PPP2R2B: variants seen among roughly 807,000 people sequenced by gnomAD.
PPP2R2B encodes protein phosphatase 2 regulatory subunit Bbeta, also known as serine/threonine-protein phosphatase 2A 55 kDa regulatory subunit B beta isoform.
PPP2R2B carries 5 observed loss-of-function variants against 46.0 expected under a neutral mutation model. The ratio of observed to expected loss-of-function variants is 0.11; its 90% CI spans 0.06 to 0.23. The LOEUF (loss-of-function observed/expected upper bound fraction) is 0.23. Among genes scored for constraint, PPP2R2B ranks in the 10% least tolerant of loss-of-function variants. The pLI, the probability that PPP2R2B is intolerant of heterozygous loss-of-function variation, is 1.00. For synonymous variants in PPP2R2B, 215 were observed against 206.7 expected, an observed-to-expected ratio of 1.04 and a Z score of -0.34; for missense variants, 367 against 575.0, an observed-to-expected ratio of 0.64 and a Z score of 3.70.
chr5:146,824,839 T>C (rs1357520558), intron 2 of PPP2R2B, among the ~76,000 whole-genome samples: 1 of 151,386 alleles, frequency 6.6e-6, no homozygotes, highest in Non-Finnish European at 1.5e-5. Context: ...CACCTCAGCC[T>C]CCTGAGTAGC....
At chr5:146,623,498 C>T (rs1413203311) in intron 7 of PPP2R2B, among the ~76,000 whole-genome samples, 1 of 152,154 alleles carries the variant, frequency 6.6e-6, no homozygotes, top group Admixed American at 6.5e-5. Flanking sequence ...ACTTATTGAC[C>T]AATTCATTGC....
At chr5:146,965,526 T>C (rs1344361209) in intron 1 of PPP2R2B, among the ~76,000 whole-genome samples, 1 of 152,086 alleles carries the variant, frequency 6.6e-6, no homozygotes, top group Non-Finnish European at 1.5e-5. Context: ...GTGCCCTCCA[T>C]TCCTCTAAGA....
At chr5:146,750,077 A>G (rs1160585659) in intron 2 of PPP2R2B, among the ~76,000 whole-genome samples, 1 of 149,024 alleles carries the variant, frequency 6.7e-6, no homozygotes, top group Non-Finnish European at 1.5e-5. Flanking sequence ...CAATTTTGTA[A>G]AAAACAAACA....
Position 146,964,940 on chromosome 5 carries a change from A to T in PPP2R2B, c.79+90725T>A, listed in dbSNP as rs558020938. Among the ~76,000 whole-genome samples, 6 of 152,240 alleles carry T rather than the reference A, an allele frequency of 3.9e-5. No homozygotes were observed. The South Asian group carries it at 1.2e-3, about 32-fold the overall frequency. ...AACAAGTCACTCCTCTCTGGGGCTC[A>T]GTTTTCCCATCTGTAAAATGAAGAT... On this transcript the variant is annotated intron_variant, in intron 1 of 8. Transcript: ENST00000336640.
chr5:146,937,757 A>C lies in PPP2R2B; in HGVS notation c.79+117908T>G, dbSNP rs539649919. ...GGTACAGCTCTTGGTTATCTGCAACAATAGAGGGAATGTGTGGGACAGATG... is the reference window on the plus strand; with the variant it reads ...GGTACAGCTCTTGGTTATCTGCAACCATAGAGGGAATGTGTGGGACAGATG... On this transcript the variant is annotated intron_variant, in intron 1 of 8. Coordinates refer to the PPP2R2B transcript ENST00000336640. 4.6e-5 allele frequency among the ~76,000 whole-genome samples: 7 copies of C among 152,172 alleles called. No homozygotes were observed. In the South Asian group the frequency reaches 1.5e-3, roughly 32 times the overall value.
intron 2 of PPP2R2B, among the ~76,000 whole-genome samples, chr5:146,799,503 T>A (rs908188930): frequency 6.6e-6 from 1 of 152,212 alleles, no homozygotes; most frequent in Non-Finnish European, 1.5e-5. Context: ...CTACAGTCAC[T>A]CTGCCATGCT....
intron 1 of PPP2R2B, among the ~76,000 whole-genome samples, chr5:147,052,743 C>T (rs929533552): frequency 3.3e-5 from 5 of 151,994 alleles, no homozygotes; most frequent in Admixed American, 1.3e-4. Flanking sequence ...CCCCGCTTGC[C>T]ATGGAAACCA....
chr5:146,752,901 ATCTGGGGATC>A (rs1753638657), intron 2 of PPP2R2B, among the ~76,000 whole-genome samples: 1 of 152,228 alleles, frequency 6.6e-6, no homozygotes. Flanking sequence ...AAAGTGTATT[ATCTGGGGATC>A]TGATCACTTC....
rs577733843 is a variant in PPP2R2B at position 146,982,639 on chromosome 5, C to T, written c.79+73026G>A. Reference sequence around the variant, plus strand: ...ATTGTTAAAAAGGGGTTGTCGAAGTCTCCAACTATAATTATAGATTTGTCT... The same window carrying T: ...ATTGTTAAAAAGGGGTTGTCGAAGTTTCCAACTATAATTATAGATTTGTCT... On this transcript the variant is annotated intron_variant, in intron 1 of 8. Coordinates refer to the PPP2R2B transcript ENST00000336640. Among the ~76,000 whole-genome samples, 9 of 152,268 alleles carry T rather than the reference C, an allele frequency of 5.9e-5. No individual in the cohort carries two copies. In the South Asian group the frequency reaches 1.5e-3, roughly 25 times the overall value.
intron 1 of PPP2R2B, among the ~76,000 whole-genome samples, chr5:146,955,403 G>T (rs192407940): frequency 2.0e-5 from 3 of 152,140 alleles, no homozygotes; most frequent in Non-Finnish European, 4.4e-5. Flanking sequence ...TACATTTTGA[G>T]TAGCAAGTAA....
intron 5 of PPP2R2B, among the ~76,000 whole-genome samples, chr5:146,686,100 G>A (rs575043186): frequency 2.6e-5 from 4 of 152,276 alleles, no homozygotes; most frequent in African/African-American, 9.6e-5. Flanking sequence ...ATGAGATTTT[G>A]GGCAAACTTC....
chr5:146,798,404 G>A (rs1388986540), intron 2 of PPP2R2B, among the ~76,000 whole-genome samples: 3 of 152,060 alleles, frequency 2.0e-5, no homozygotes, highest in Non-Finnish European at 2.9e-5. Flanking sequence ...ACTTGGTTTG[G>A]ATTTTCTCTG....
intron 5 of PPP2R2B, among the ~76,000 whole-genome samples, chr5:146,682,093 G>A (rs772910415): frequency 1.3e-5 from 2 of 152,076 alleles, no homozygotes; most frequent in Non-Finnish European, 2.9e-5. Flanking sequence ...CCAGGTATAG[G>A]GTTCTGCTTA....
At chr5:146,624,644 T>A (rs1032865237) in intron 7 of PPP2R2B, among the ~76,000 whole-genome samples, 1 of 152,184 alleles carries the variant, frequency 6.6e-6, no homozygotes, top group Non-Finnish European at 1.5e-5. Context: ...AATCATCCTC[T>A]TTACACCAAG....
intron 2 of PPP2R2B, among the ~76,000 whole-genome samples, chr5:146,813,960 G>A (rs1474911210): frequency 1.1e-4 from 17 of 152,142 alleles, no homozygotes; most frequent in Admixed American, 1.1e-3. Flanking sequence ...CCACACTCAG[G>A]AGAAGGCAGG....
chr5:146,841,063 G>C (rs1013891150), intron 2 of PPP2R2B, among the ~76,000 whole-genome samples: 1 of 151,928 alleles, frequency 6.6e-6, no homozygotes, highest in African/African-American at 2.4e-5. Flanking sequence ...CAAAGTCAAG[G>C]AGACTTTTTG....
At chr5:146,806,293 C>G (rs139547520) in intron 2 of PPP2R2B, among the ~76,000 whole-genome samples, 1 of 152,272 alleles carries the variant, frequency 6.6e-6, no homozygotes, top group African/African-American at 2.4e-5. Flanking sequence ...CTCAGGCCTA[C>G]CAAGGAAATG....
At chr5:147,001,696 C>T (rs995416611) in intron 1 of PPP2R2B, among the ~76,000 whole-genome samples, 1 of 152,176 alleles carries the variant, frequency 6.6e-6, no homozygotes, top group South Asian at 2.1e-4. Flanking sequence ...CTTTCGTTTG[C>T]TATTCTGTCC....
chr5:147,063,026 G>C, intron 2 of PPP2R2B, among the ~76,000 whole-genome samples: 1 of 146,150 alleles, frequency 6.8e-6, no homozygotes. Context: ...GGGAAGAGAG[G>C]AAGGAGAAAA....
Sources: gnomAD v4.1 joint callset for allele counts (sites outside exome capture counted in the v4.1 genomes callset) on GRCh38, gnomAD v4.1.1 for gene constraint, MANE v1.5 for transcripts, NCBI Gene and HGNC (gene_info 2026-07-23, HGNC 2026-07-21) for gene names.